Variants in ITFG1 observed in about 807,000 individuals in gnomAD.
ITFG1 encodes the protein integrin alpha FG-GAP repeat containing 1, also known as T-cell immunomodulatory protein.
ITFG1 carries 34 observed loss-of-function variants against 81.8 expected under a neutral mutation model. The ratio of observed to expected loss-of-function variants is 0.42; its 90% CI spans 0.32 to 0.55. The LOEUF (loss-of-function observed/expected upper bound fraction) is 0.55. Ranked by LOEUF, ITFG1 falls within the 20% of genes least tolerant of loss-of-function variation. The pLI, the probability that ITFG1 is intolerant of heterozygous loss-of-function variation, is 0.17. For synonymous variants in ITFG1, 285 were observed against 270.6 expected, an observed-to-expected ratio of 1.05 and a Z score of -0.52; for missense variants, 672 against 755.4, an observed-to-expected ratio of 0.89 and a Z score of 1.29.
At chr16:47,240,019 C>T (rs1382058493) in intron 12 of ITFG1, among the ~76,000 whole-genome samples, 2 of 151,662 alleles carry the variant, frequency 1.3e-5, no homozygotes, top group Non-Finnish European at 2.9e-5. Context: ...AGGCTAGGCA[C>T]AGTGGCTCAT....
At chr16:47,324,642 A>C (rs1001296196) in intron 8 of ITFG1, among the ~76,000 whole-genome samples, 2 of 152,214 alleles carry the variant, frequency 1.3e-5, no homozygotes, top group South Asian at 2.1e-4. Context: ...ATGGAGGAAG[A>C]TCTACCAAGA....
chr16:47,323,644 G>C (rs1967483353), intron 8 of ITFG1, among the ~76,000 whole-genome samples: 1 of 146,642 alleles, frequency 6.8e-6, no homozygotes, highest in Admixed American at 6.6e-5. Context: ...CTCAGAGTTT[G>C]ATAAAGCAGT....
intron 8 of ITFG1, among the ~76,000 whole-genome samples, chr16:47,320,728 A>G (rs915254435): frequency 1.3e-5 from 2 of 152,198 alleles, no homozygotes; most frequent in Non-Finnish European, 2.9e-5. Context: ...CATTATCCCT[A>G]TCTAGCCCTA....
At chr16:47,382,780 T>C (rs914035018) in intron 6 of ITFG1, among the ~76,000 whole-genome samples, 1 of 152,240 alleles carries the variant, frequency 6.6e-6, no homozygotes, top group Non-Finnish European at 1.5e-5. Flanking sequence ...TAGGAACCTG[T>C]TAACTGCACT....
chr16:47,215,168 C>T (rs910746475), intron 14 of ITFG1, among the ~76,000 whole-genome samples: 6 of 152,144 alleles, frequency 3.9e-5, no homozygotes, highest in Non-Finnish European at 8.8e-5. Context: ...TTCCGAAATA[C>T]GTAAATGTAG....
chr16:47,407,860 A>G lies in ITFG1; in HGVS notation c.655+20944T>C, dbSNP rs562191940. On this transcript the variant is annotated intron_variant, in intron 6 of 17. Coordinates refer to ENST00000320640, the MANE Select transcript of ITFG1 (RefSeq NM_030790.5). The stretch of plus-strand genomic sequence containing the variant: ...AGTGGGACGTCTAGCTTGGACATAT[A>G]CATACATATGTTATTAGTATGCAGG... Among the ~76,000 whole-genome samples the G allele has an allele frequency of 2.6e-5, 4 of 152,286 alleles. No individual in the cohort carries two copies. In the South Asian group the frequency reaches 8.3e-4, roughly 32 times the overall value.
intron 13 of ITFG1, among the ~76,000 whole-genome samples, chr16:47,232,322 T>C (rs1382325478): frequency 6.6e-6 from 1 of 152,228 alleles, no homozygotes; most frequent in Non-Finnish European, 1.5e-5. Flanking sequence ...AAAATTACTG[T>C]AGATAGTTGA....
chr16:47,451,483 T>A lies in ITFG1; in HGVS notation c.486-13A>T. 7.4e-7 allele frequency: 1 copy of A among 1,357,494 alleles called. No homozygotes were observed. The highest frequency in any genetic ancestry group is 1.0e-6 in the Non-Finnish European group (1 of 960,434). 84.1% of individuals were successfully genotyped at this position (1,357,494 alleles called of 1,614,324 possible). A position where few individuals can be genotyped will look rare whatever the true frequency, so the allele number is the denominator to read the frequency against. On this transcript the variant is annotated splice_polypyrimidine_tract_variant and intron_variant, in intron 4 of 17. Coordinates refer to ENST00000320640, the MANE Select transcript of ITFG1 (RefSeq NM_030790.5). ...ATCACCATTGAAACTGAAAAAAAAT[T>A]AAAACAATAAGCAGCTATTTCTTTA...
intron 13 of ITFG1, among the ~76,000 whole-genome samples, chr16:47,226,305 G>T (rs1215331571): frequency 2.0e-5 from 3 of 152,184 alleles, no homozygotes; most frequent in African/African-American, 7.2e-5. Flanking sequence ...CGCCTCCGGG[G>T]TTCAAGCAAG....
At chr16:47,346,361 T>C (rs1967854836) in intron 8 of ITFG1, among the ~76,000 whole-genome samples, 1 of 152,168 alleles carries the variant, frequency 6.6e-6, no homozygotes, top group Non-Finnish European at 1.5e-5. Flanking sequence ...AGTTAAAACA[T>C]TTCTAGAGAC....
At chr16:47,374,342 A>T (rs1056483192) in intron 7 of ITFG1, among the ~76,000 whole-genome samples, 1 of 152,244 alleles carries the variant, frequency 6.6e-6, no homozygotes, top group Non-Finnish European at 1.5e-5. Flanking sequence ...CTTTAAAGAA[A>T]ACAATAACAA....
intron 8 of ITFG1, among the ~76,000 whole-genome samples, chr16:47,337,297 C>T (rs985416766): frequency 1.2e-4 from 18 of 152,130 alleles, no homozygotes; most frequent in South Asian, 2.1e-4. Context: ...CACAGCCAGG[C>T]GCGGTGGCTC....
intron 5 of ITFG1, among the ~76,000 whole-genome samples, chr16:47,439,097 G>A (rs530832621): frequency 3.9e-5 from 6 of 152,162 alleles, no homozygotes; most frequent in African/African-American, 1.2e-4. Context: ...GATGGAAGAC[G>A]AAATGAATGA....
chr16:47,436,280 TATA>T (rs571310593), intron 5 of ITFG1, among the ~76,000 whole-genome samples: 1 of 152,082 alleles, frequency 6.6e-6, no homozygotes, highest in Admixed American at 6.5e-5. Context: ...AAACTTAAAG[TATA>T]ATAATAATAA....
intron 5 of ITFG1, among the ~76,000 whole-genome samples, chr16:47,435,881 T>A (rs1969159742): frequency 1.3e-5 from 2 of 152,110 alleles, no homozygotes; most frequent in South Asian, 4.1e-4. Flanking sequence ...AGCTGCAAAA[T>A]AGGTAATATT....
intron 13 of ITFG1, among the ~76,000 whole-genome samples, chr16:47,220,060 T>G (rs1387481798): frequency 6.6e-6 from 1 of 152,224 alleles, no homozygotes; most frequent in African/African-American, 2.4e-5. Context: ...GGAAAAGCAT[T>G]GTTTTCTTTC....
chr16:47,382,630 T>A, intron 6 of ITFG1, among the ~76,000 whole-genome samples: 1 of 120,284 alleles, frequency 8.3e-6, no homozygotes, highest in Non-Finnish European at 1.6e-5. Flanking sequence ...CCGTCGTCAG[T>A]GAAATCATGA....
At chr16:47,425,589 C>CT (rs552533924) in intron 6 of ITFG1, among the ~76,000 whole-genome samples, 3,188 of 135,194 alleles carry the variant, frequency 0.024, 119 homozygotes, top group African/African-American at 0.075. Context: ...AGTGACGCTC[C>CT]TTTTTTTTTT....
intron 10 of ITFG1, among the ~76,000 whole-genome samples, chr16:47,290,785 A>C (rs543829822): frequency 6.6e-6 from 1 of 152,210 alleles, no homozygotes; most frequent in South Asian, 2.1e-4. Context: ...TTAAGTGGGA[A>C]ATTTAATGCA....
Sources: gnomAD v4.1 joint callset for allele counts (sites outside exome capture counted in the v4.1 genomes callset) on GRCh38, gnomAD v4.1.1 for gene constraint, MANE v1.5 for transcripts, NCBI Gene and HGNC (gene_info 2026-07-23, HGNC 2026-07-21) for gene names.